ABHD3: variants seen among roughly 807,000 people sequenced by gnomAD.
ABHD3 encodes abhydrolase domain containing 3, phospholipase, also known as phospholipase ABHD3.
Under a neutral mutation model 48.8 loss-of-function variants are expected in ABHD3, and 46 were observed. The ratio of observed to expected loss-of-function variants is 0.94; its 90% confidence interval spans 0.74 to 1.20. The LOEUF is 1.20. Among genes scored for constraint, ABHD3 ranks in the 50% most tolerant of loss-of-function variants. The pLI is 0.00. For synonymous variants in ABHD3, 192 were observed against 183.7 expected, an observed-to-expected ratio of 1.04 and a Z score of -0.36; for missense variants, 490 against 497.8, an observed-to-expected ratio of 0.98 and a Z score of 0.15.
chr18:21,703,892 T>A, intron 1 of ABHD3, 145 bp from the exon 2 acceptor site: 2 of 814,372 alleles, frequency 2.5e-6, no homozygotes, highest in Non-Finnish European at 3.8e-6. Context: ...AAATTCACAG[T>A]CACAGAGGAC....
At chr18:21,657,303 A>C in intron 6 of ABHD3, 151 bp from the exon 7 acceptor site, 1 of 647,510 alleles carries the variant, frequency 1.5e-6, no homozygotes, top group Non-Finnish European at 2.6e-6. Context: ...GCAGGATTAG[A>C]ATAATAATGT....
At chr18:21,697,249 T>A (rs774558616) in intron 3 of ABHD3, among the ~76,000 whole-genome samples, 23 of 151,760 alleles carry the variant, frequency 1.5e-4, no homozygotes, top group Non-Finnish European at 2.5e-4. Context: ...CTAATTTTTG[T>A]ATTTTAGTAG....
intron 6 of ABHD3, among the ~76,000 whole-genome samples, chr18:21,657,581 C>A (rs1461006533): frequency 6.6e-6 from 1 of 151,778 alleles, no homozygotes; most frequent in Non-Finnish European, 1.5e-5. Context: ...AACTCCTGGG[C>A]TCAAGTGATC....
intron 3 of ABHD3, among the ~76,000 whole-genome samples, chr18:21,684,190 G>A (rs933865549): frequency 6.6e-6 from 1 of 151,896 alleles, no homozygotes; most frequent in African/African-American, 2.4e-5. Flanking sequence ...GTATACTGAA[G>A]TGATGTTAAT....
At chr18:21,686,611 C>T (rs1330736382) in intron 3 of ABHD3, among the ~76,000 whole-genome samples, 34 of 152,148 alleles carry the variant, frequency 2.2e-4, no homozygotes, top group Non-Finnish European at 1.6e-4. Flanking sequence ...TGCTAGAGGA[C>T]GAATTGTACT....
At chr18:21,665,146 T>C (rs902029227) in intron 4 of ABHD3, among the ~76,000 whole-genome samples, 4 of 152,106 alleles carry the variant, frequency 2.6e-5, no homozygotes, top group Admixed American at 6.6e-5. Flanking sequence ...GGTTTCACCA[T>C]GTGGACCAGG....
At chr18:21,673,179 T>C (rs548887212) in intron 4 of ABHD3, among the ~76,000 whole-genome samples, 6 of 152,282 alleles carry the variant, frequency 3.9e-5, no homozygotes, top group African/African-American at 1.4e-4. Context: ...CTCCCAGGGA[T>C]TTTCAGCCCT....
chr18:21,659,042 T>C (rs2039421466), intron 6 of ABHD3, 128 bp downstream of exon 6: 3 of 906,292 alleles, frequency 3.3e-6, no homozygotes, highest in Non-Finnish European at 4.8e-6. Context: ...GGTTTCACCA[T>C]GTTGGCCAGG....
intron 6 of ABHD3, among the ~76,000 whole-genome samples, chr18:21,658,072 C>T (rs1458789985): frequency 6.6e-6 from 1 of 151,708 alleles, no homozygotes; most frequent in Admixed American, 6.6e-5. Context: ...TGGTATGTGC[C>T]TGTAGTCCCA....
Position 21,657,114 on chromosome 18 carries a change from T to C in ABHD3, c.881A>G (p.His294Arg), listed in dbSNP as rs1156967246. 4 of 1,613,358 alleles carry C rather than the reference T, an allele frequency of 2.5e-6. No homozygotes were observed. The highest frequency in any genetic ancestry group is 2.5e-6 in the Non-Finnish European group (3 of 1,179,862). ...AAGTTTCTCTCCTACCTTCATGACA[T>C]GATCCATATCAACTTGTTTTACAAA... ...HMFVKQVDMD[H>R]VMKAKSIREF... The change falls in exon 7 of 9, where the codon CAT (histidine) becomes CGT (arginine). Residue 294 changes from histidine to arginine, a missense_variant. By Grantham distance (29) the His-to-Arg change is conservative (BLOSUM62 0). Transcript: ENST00000289119.
At chr18:21,690,776 C>A (rs1249394724) in intron 3 of ABHD3, among the ~76,000 whole-genome samples, 1 of 151,714 alleles carries the variant, frequency 6.6e-6, no homozygotes, top group Admixed American at 6.6e-5. Flanking sequence ...AGGTGGATCA[C>A]CTGAGGTCAG....
chr18:21,659,460 A>G, intron 5 of ABHD3, 117 bp from the exon 6 acceptor site: 1 of 959,792 alleles, frequency 1.0e-6, no homozygotes. Flanking sequence ...ACTAGTGTTT[A>G]AGTCCTCTAT....
intron 3 of ABHD3, among the ~76,000 whole-genome samples, chr18:21,684,438 C>A (rs1373432475): frequency 6.6e-6 from 1 of 150,772 alleles, no homozygotes; most frequent in African/African-American, 2.4e-5. Flanking sequence ...CCTGCCTCAG[C>A]CTCCTTAGTA....
intron 4 of ABHD3, 22 bp downstream of exon 4, chr18:21,683,896 CTG>C: frequency 2.5e-6 from 4 of 1,570,400 alleles, no homozygotes; most frequent in East Asian, 2.3e-5. Flanking sequence ...AAAGTTAAGA[CTG>C]TTGTCATTTA....
intron 6 of ABHD3, among the ~76,000 whole-genome samples, chr18:21,657,926 G>A (rs1251215304): frequency 2.0e-5 from 3 of 152,060 alleles, no homozygotes; most frequent in Non-Finnish European, 4.4e-5. Context: ...CTGCTGGGCG[G>A]GGGGCTCACG....
In ABHD3 at chr18:21,704,587, AC is replaced by A; in HGVS notation, c.78del (p.Phe27SerfsTer23). The A allele has an allele frequency of 6.4e-7, 1 of 1,551,254 alleles. No individual in the cohort carries two copies. Among genetic ancestry groups the A allele is most frequent in the South Asian group, 1.2e-5 (1 of 83,274 alleles). The stretch of plus-strand genomic sequence containing the variant: ...GATAAGCCCACCCCCGAGCCGAAGA[AC>A]CCCACCCGGACTTGGTGTTCCAGGT... ...SLYLEHQVRV[G>X]FFGSGVGLSL... On this transcript the variant is annotated frameshift_variant, in exon 1 of 9. Transcript: ENST00000289119. LOFTEE classifies it high-confidence loss of function.
Position 21,700,827 on chromosome 18 carries a change from C to CAAAAAAAAAAAAAAAAAAAAAA in ABHD3, c.509+1467_509+1488dup, listed in dbSNP as rs375239917. Among the ~76,000 whole-genome samples, 50 of 94,366 alleles carry CAAAAAAAAAAAAAAAAAAAAAA rather than the reference C, an allele frequency of 5.3e-4. 2 individuals carry two copies. Among genetic ancestry groups the CAAAAAAAAAAAAAAAAAAAAAA allele is most frequent in the African/African-American group, 1.7e-3 (50 of 28,660 alleles). The allele number at this position is 94,366 out of a possible 152,430, so 61.9% of individuals were successfully genotyped here. A position where few individuals can be genotyped will look rare whatever the true frequency, so the allele number is the denominator to read the frequency against. ...TTTCTGAGCATGACTAAGTTTTAGC[C>CAAAAAAAAAAAAAAAAAAAAAA]AAAAAAAAAAAAAAAAAAAAAATGG... is the stretch of plus-strand genomic sequence containing the variant. On this transcript the variant is annotated intron_variant, in intron 3 of 8. Coordinates refer to ENST00000289119, the MANE Select transcript of ABHD3 (RefSeq NM_138340.5).
At position 21,657,095 on chromosome 18, in the gene ABHD3, C is replaced by A. The variant is rs763367171; in HGVS notation, c.891+9G>T. The A allele has an allele frequency of 6.2e-7, 1 of 1,613,732 alleles. No individual in the cohort carries two copies. Among genetic ancestry groups the A allele is most frequent in the Admixed American group, 1.7e-5 (1 of 59,994 alleles). On this transcript the variant is annotated intron_variant, in intron 7 of 8. Coordinates refer to ENST00000289119, the MANE Select transcript of ABHD3 (RefSeq NM_138340.5). ...GAAATAAAAGTATTACATAAAGTTTCTCTCCTACCTTCATGACATGATCCA... is the reference window on the plus strand; with the variant it reads ...GAAATAAAAGTATTACATAAAGTTTATCTCCTACCTTCATGACATGATCCA...
rs537895892 is a variant in ABHD3, at chr18:21,703,499, A to G, written c.326+85T>C. ...CTATATACTTCCTAAAGCAGATTCT[A>G]TTAACCAAGAACTGGGAATAAGCAA... On this transcript the variant is annotated intron_variant, in intron 2 of 8. Coordinates refer to ENST00000289119, the MANE Select transcript of ABHD3 (RefSeq NM_138340.5). The G allele has an allele frequency of 6.8e-4, 1,025 of 1,500,300 alleles. 2 individuals are homozygous for G. The highest frequency in any genetic ancestry group is 1.4e-3 in the Admixed American group (80 of 56,682). 92.9% of individuals were successfully genotyped at this position (1,500,300 alleles called of 1,614,324 possible).
Sources: allele counts gnomAD v4.1 joint callset (sites outside exome capture counted in the v4.1 genomes callset), GRCh38; gene constraint gnomAD v4.1.1; transcripts MANE v1.5; gene names NCBI Gene and HGNC (gene_info 2026-07-23, HGNC 2026-07-21).